Variants in CELF2 observed in about 807,000 individuals in gnomAD.
The protein encoded by CELF2 is CUG triplet repeat RNA-binding protein 2.
A neutral mutation model predicts 62.6 loss-of-function variants in CELF2; 8 were observed. The ratio of observed to expected loss-of-function variants is 0.13; its 90% confidence interval spans 0.07 to 0.23. CELF2 has a LOEUF of 0.23. Among genes scored for constraint, CELF2 ranks in the 10% least tolerant of loss-of-function variants. CELF2 has a pLI of 1.00. For synonymous variants in CELF2, 258 were observed against 250.0 expected, an observed-to-expected ratio of 1.03 and a Z score of -0.30; for missense variants, 333 against 671.0, an observed-to-expected ratio of 0.50 and a Z score of 5.56.
the CELF2 span, among the ~76,000 whole-genome samples, chr10:10,631,292 C>A: frequency 6.6e-6 from 1 of 152,152 alleles, no homozygotes; most frequent in African/African-American, 2.4e-5. Context: ...AGTTCAAAAC[C>A]ATGCACATGT....
rs981874969 is a variant in CELF2, at chr10:11,046,163, G to A, written c.74+28000G>A. 1.3e-5 allele frequency among the ~76,000 whole-genome samples: 2 copies of A among 152,142 alleles called. No individual in the cohort carries two copies. Among genetic ancestry groups the A allele is most frequent in the Non-Finnish European group, 2.9e-5 (2 of 68,034 alleles). ...TCCTGCCTCCCCAACCGGGCTGCAC[G>A]CCAGCGGTTCTCAAAATCACGGCAC... is the stretch of plus-strand genomic sequence containing the variant. On this transcript the variant is annotated intron_variant, in intron 1 of 12. Transcript: ENST00000633077. The surrounding 1 kb of genome is among the most constrained non-coding windows in gnomAD (Gnocchi z 4.6).
In CELF2 at chr10:11,227,371, C is replaced by T. The variant is rs2066981491; in HGVS notation, c.354+9864C>T. Among the ~76,000 whole-genome samples the T allele has an allele frequency of 6.6e-6, 1 of 152,212 alleles. No individual in the cohort carries two copies. The highest frequency in any genetic ancestry group is 2.4e-5 in the African/African-American group (1 of 41,442). On this transcript the variant is annotated intron_variant, in intron 3 of 12. Transcript: ENST00000633077. This position sits in a 1 kb window ranked among gnomAD's most constrained non-coding sequence, Gnocchi z 4.8. ...CTGAGAGGTAGAACCAGGCAGCCCACGCCACAGATGGCACAGCAGGATGAA... is the reference window on the plus strand; with the variant it reads ...CTGAGAGGTAGAACCAGGCAGCCCATGCCACAGATGGCACAGCAGGATGAA...
chr10:10,913,177 A>T (rs11256900), intron 1 of CELF2, among the ~76,000 whole-genome samples: 4,260 of 152,230 alleles, frequency 0.028, 61 homozygotes, highest in Middle Eastern at 0.037. Flanking sequence ...AGAAGACATG[A>T]AGGCCAAAAA....
chr10:11,209,709 G>C (rs1300464338), intron 2 of CELF2, among the ~76,000 whole-genome samples: 1 of 151,526 alleles, frequency 6.6e-6, no homozygotes, highest in Non-Finnish European at 1.5e-5. Context: ...GCCAGTGACT[G>C]AGAGTTGAAA....
chr10:11,094,247 CTG>C (rs1271708379), intron 1 of CELF2, among the ~76,000 whole-genome samples: 2 of 152,186 alleles, frequency 1.3e-5, no homozygotes, highest in Non-Finnish European at 1.5e-5. Context: ...GTGACAAGAA[CTG>C]TGTGTTATTT....
At chr10:10,880,314 G>A (rs533069052) in intron 1 of CELF2, among the ~76,000 whole-genome samples, 10 of 152,240 alleles carry the variant, frequency 6.6e-5, no homozygotes, top group East Asian at 5.8e-4. Context: ...GGGGGCCCAC[G>A]TTATAGTTTC....
rs1293694963 is a variant in CELF2 at position 11,244,320 on chromosome 10, T to C, written c.355-4833T>C. Among the ~76,000 whole-genome samples, 4 of 152,248 alleles carry C rather than the reference T, an allele frequency of 2.6e-5. No homozygotes were observed. The highest frequency in any genetic ancestry group is 4.8e-5 in the African/African-American group (2 of 41,462). ...TGAACATATCCCTCACTGTTAGTCT[T>C]GTGCTTTAGGTGTCTTGTTTTCGGT... On this transcript the variant is annotated intron_variant, in intron 3 of 12. Transcript: ENST00000633077. The surrounding 1 kb of genome is among the most constrained non-coding windows in gnomAD (Gnocchi z 4.2).
rs538091158 is a variant in CELF2 at position 11,046,206 on chromosome 10, C to T, written c.74+28043C>T. On this transcript the variant is annotated intron_variant, in intron 1 of 12. Coordinates refer to ENST00000633077, the MANE Select transcript of CELF2 (RefSeq NM_001326342.2). This position sits in a 1 kb window ranked among gnomAD's most constrained non-coding sequence, Gnocchi z 4.6. ...CACGGCACCGCTTGTCTAACAACAC[C>T]GAACGCTGGGCCCATCCCCAGACGT... 6.6e-6 allele frequency among the ~76,000 whole-genome samples: 1 copy of T among 152,328 alleles called. No homozygotes were observed. The highest frequency in any genetic ancestry group is 1.5e-5 in the Non-Finnish European group (1 of 68,028).
intron 1 of CELF2, among the ~76,000 whole-genome samples, chr10:11,133,214 A>G (rs1247549914): frequency 6.6e-6 from 1 of 152,178 alleles, no homozygotes; most frequent in East Asian, 1.9e-4. Context: ...TCCACAAGGA[A>G]CCATTAAAGA....
At chr10:10,671,662 A>C in the CELF2 span, among the ~76,000 whole-genome samples, 1 of 151,298 alleles carries the variant, frequency 6.6e-6, no homozygotes, top group African/African-American at 2.4e-5. Context: ...TTGTTGGTTT[A>C]ATTTATGTTT....
At chr10:10,517,485 AT>A in the CELF2 span, among the ~76,000 whole-genome samples, 2 of 152,194 alleles carry the variant, frequency 1.3e-5, no homozygotes, top group African/African-American at 4.8e-5. Flanking sequence ...CAAATAACAA[AT>A]AACATCATCA....
intron 2 of CELF2, among the ~76,000 whole-genome samples, chr10:11,203,107 A>T (rs1229639557): frequency 6.6e-6 from 1 of 152,092 alleles, no homozygotes; most frequent in African/African-American, 2.4e-5. Flanking sequence ...TAATAGAATC[A>T]GTGTCATTGG....
chr10:10,586,356 C>T, the CELF2 span, among the ~76,000 whole-genome samples: 2 of 152,102 alleles, frequency 1.3e-5, no homozygotes, highest in Non-Finnish European at 2.9e-5. Flanking sequence ...CCAATTCAGG[C>T]CAAATGAAAC....
chr10:10,545,755 T>C, the CELF2 span, among the ~76,000 whole-genome samples: 1 of 152,186 alleles, frequency 6.6e-6, no homozygotes, highest in South Asian at 2.1e-4. Context: ...TAGGAGATTA[T>C]TTTTAAGAAC....
At chr10:11,261,997 G>A (rs1420841377) in intron 5 of CELF2, among the ~76,000 whole-genome samples, 1 of 152,146 alleles carries the variant, frequency 6.6e-6, no homozygotes, top group Non-Finnish European at 1.5e-5. Flanking sequence ...CTGCACCGTG[G>A]CAGTTGAATA....
At chr10:10,555,249 T>A in the CELF2 span, among the ~76,000 whole-genome samples, 5 of 151,174 alleles carry the variant, frequency 3.3e-5, no homozygotes, top group Non-Finnish European at 5.9e-5. Flanking sequence ...TAAAGCTGCA[T>A]TAGCAGAGAG....
chr10:11,266,804 A>G (rs1293699558), intron 6 of CELF2, 127 bp downstream of exon 6: 2 of 648,820 alleles, frequency 3.1e-6, no homozygotes, highest in Non-Finnish European at 5.2e-6. Context: ...CTCAGTTTTC[A>G]TTCATTCATT....
chr10:10,744,575 T>C, the CELF2 span, among the ~76,000 whole-genome samples: 2 of 152,192 alleles, frequency 1.3e-5, no homozygotes, highest in Admixed American at 6.5e-5. Flanking sequence ...GCCCAGTGTG[T>C]CCTGCCCTAT....
At chr10:10,857,744 A>G (rs1043505037) in intron 1 of CELF2, among the ~76,000 whole-genome samples, 1 of 149,192 alleles carries the variant, frequency 6.7e-6, no homozygotes, top group South Asian at 2.1e-4. Context: ...ATCCATAGCC[A>G]AAAGAAAAAT....
Sources: gnomAD v4.1 joint callset for allele counts (sites outside exome capture counted in the v4.1 genomes callset) on GRCh38, gnomAD v4.1.1 for gene constraint, Gnocchi (gnomAD v3.1) non-coding constraint, MANE v1.5 for transcripts, NCBI Gene and HGNC (gene_info 2026-07-23, HGNC 2026-07-21) for gene names.